CNTN5: variants seen among roughly 807,000 people sequenced by gnomAD.
CNTN5 encodes the protein contactin 5, also known as contactin-5.
Under a neutral mutation model 129.1 loss-of-function variants are expected in CNTN5, and 77 were observed. The observed-to-expected ratio is 0.60, with a 90% confidence interval of 0.50 to 0.72. CNTN5 has a LOEUF of 0.72. Ranked by LOEUF, CNTN5 falls within the 30% of genes least tolerant of loss-of-function variation. The pLI is 0.00. For missense variants in CNTN5, 1,478 were observed against 1,328.8 expected (o/e 1.11, Z -1.75); for synonymous variants, 509 against 465.6 (o/e 1.09, Z -1.20).
At chr11:99,771,383 C>G (rs1459643519) in intron 3 of CNTN5, among the ~76,000 whole-genome samples, 1 of 151,942 alleles carries the variant, frequency 6.6e-6, no homozygotes, top group East Asian at 1.9e-4. Context: ...TATGTACATA[C>G]ATACATATAC....
At chr11:99,342,252 C>T (rs946247184) in intron 2 of CNTN5, among the ~76,000 whole-genome samples, 15 of 151,472 alleles carry the variant, frequency 9.9e-5, no homozygotes, top group South Asian at 2.1e-4. Flanking sequence ...TGACTCATTG[C>T]CACAAACTAT....
At chr11:99,350,593 G>A (rs1938229882) in intron 2 of CNTN5, among the ~76,000 whole-genome samples, 1 of 152,070 alleles carries the variant, frequency 6.6e-6, no homozygotes, top group South Asian at 2.1e-4. Flanking sequence ...AACAAATTGT[G>A]ATATACACAA....
chr11:99,899,938 T>C (rs1022797309), intron 6 of CNTN5, among the ~76,000 whole-genome samples: 1 of 152,014 alleles, frequency 6.6e-6, no homozygotes, highest in Admixed American at 6.6e-5. Context: ...TCAGGGTTTC[T>C]ATTTCTTCCT....
chr11:99,593,418 G>A (rs982662571), intron 3 of CNTN5, among the ~76,000 whole-genome samples: 1 of 152,106 alleles, frequency 6.6e-6, no homozygotes. Flanking sequence ...AAGTGATTCT[G>A]TCACACACTG....
intron 2 of CNTN5, among the ~76,000 whole-genome samples, chr11:99,490,040 T>G (rs1399385151): frequency 1.3e-5 from 2 of 152,198 alleles, no homozygotes; most frequent in Non-Finnish European, 2.9e-5. Context: ...GACACGTTAT[T>G]TCACTTCTTA....
At chr11:100,305,328 T>C (rs970703582) in intron 20 of CNTN5, among the ~76,000 whole-genome samples, 1 of 151,540 alleles carries the variant, frequency 6.6e-6, no homozygotes, top group Admixed American at 6.6e-5. Flanking sequence ...ACTCCTTGTG[T>C]GAGACAATTG....
At chr11:99,924,629 G>T (rs1240250566) in intron 7 of CNTN5, among the ~76,000 whole-genome samples, 1 of 151,976 alleles carries the variant, frequency 6.6e-6, no homozygotes, top group Non-Finnish European at 1.5e-5. Flanking sequence ...TTTGGTTACT[G>T]TAGCCTTGTA....
intron 18 of CNTN5, among the ~76,000 whole-genome samples, chr11:100,297,217 A>C (rs1466265156): frequency 6.6e-6 from 1 of 151,488 alleles, no homozygotes. Context: ...GGTTCTGGTA[A>C]GGCAGTAATG....
intron 3 of CNTN5, among the ~76,000 whole-genome samples, chr11:99,744,978 A>G (rs1023640656): frequency 3.3e-5 from 5 of 152,322 alleles, no homozygotes; most frequent in South Asian, 2.1e-4. Context: ...CGATATCACA[A>G]TTACAAAGAT....
intron 2 of CNTN5, 52 bp downstream of exon 2, chr11:99,325,536 A>G (rs2136009141): frequency 6.6e-6 from 1 of 152,290 alleles, no homozygotes; most frequent in African/African-American, 2.4e-5. Flanking sequence ...CATGTTGAAA[A>G]AAAATATAAG....
At chr11:99,502,125 C>CA (rs1946447342) in intron 2 of CNTN5, among the ~76,000 whole-genome samples, 1 of 152,138 alleles carries the variant, frequency 6.6e-6, no homozygotes, top group African/African-American at 2.4e-5. Context: ...CTGCAACAGA[C>CA]AATTCAATTG....
At chr11:99,068,816 A>G (rs1259376716) in intron 1 of CNTN5, among the ~76,000 whole-genome samples, 1 of 152,186 alleles carries the variant, frequency 6.6e-6, no homozygotes, top group East Asian at 1.9e-4. Context: ...GAGTAAATAG[A>G]AAGTAATTGT....
intron 2 of CNTN5, among the ~76,000 whole-genome samples, chr11:99,379,361 T>C (rs1940385135): frequency 6.6e-6 from 1 of 152,004 alleles, no homozygotes; most frequent in African/African-American, 2.4e-5. Context: ...CTTAAGTTAT[T>C]CATGGTAGTG....
chr11:99,906,578 G>A (rs1949512803), intron 6 of CNTN5, among the ~76,000 whole-genome samples: 1 of 152,164 alleles, frequency 6.6e-6, no homozygotes, highest in Non-Finnish European at 1.5e-5. Flanking sequence ...CCACATTGAT[G>A]TTCATTAGGA....
chr11:99,460,595 G>A (rs763109990), intron 2 of CNTN5, among the ~76,000 whole-genome samples: 16 of 152,070 alleles, frequency 1.1e-4, no homozygotes, highest in Middle Eastern at 3.4e-3. Context: ...AGAAGAATTA[G>A]AAGGTAAAGT....
chr11:100,231,580 G>A (rs1270171981), intron 16 of CNTN5, among the ~76,000 whole-genome samples: 1 of 152,110 alleles, frequency 6.6e-6, no homozygotes, highest in Non-Finnish European at 1.5e-5. Context: ...TATTAATGAG[G>A]CCCCTTTATC....
intron 9 of CNTN5, among the ~76,000 whole-genome samples, chr11:100,044,990 C>T (rs1004857432): frequency 3.9e-5 from 6 of 152,046 alleles, no homozygotes; most frequent in African/African-American, 1.4e-4. Flanking sequence ...ACTATTAGGT[C>T]TCCTTTTTTC....
chr11:99,498,471 T>C (rs768465859), intron 2 of CNTN5, among the ~76,000 whole-genome samples: 7 of 152,216 alleles, frequency 4.6e-5, no homozygotes, highest in Non-Finnish European at 1.0e-4. Flanking sequence ...TAATTTTTCT[T>C]AAGCAATTCT....
chr11:99,985,364 C>T (rs2137382138), intron 8 of CNTN5, among the ~76,000 whole-genome samples: 1 of 152,254 alleles, frequency 6.6e-6, no homozygotes, highest in East Asian at 1.9e-4. Flanking sequence ...CAAAGTCCAG[C>T]TGGATCTTCC....
Sources: allele counts gnomAD v4.1 joint callset (sites outside exome capture counted in the v4.1 genomes callset), GRCh38; gene constraint gnomAD v4.1.1; transcripts MANE v1.5; gene names NCBI Gene and HGNC (gene_info 2026-07-23, HGNC 2026-07-21).